RBFOX1: variants seen among roughly 807,000 people sequenced by gnomAD.
The protein encoded by RBFOX1 is RNA binding fox-1 homolog 1, also known as RNA binding protein fox-1 homolog 1.
Under a neutral mutation model 57.7 loss-of-function variants are expected in RBFOX1, and 8 were observed. That is an observed-to-expected ratio of 0.14 (90% CI 0.08 to 0.25). The LOEUF (loss-of-function observed/expected upper bound fraction) is 0.25. RBFOX1 is among the 10% of genes least tolerant of loss of function. The probability of loss-of-function intolerance (pLI) is 1.00; values close to 1 mark genes in which losing one functional copy is unlikely to be tolerated. For missense variants in RBFOX1, 611 were observed against 548.5 expected, an observed-to-expected ratio of 1.11 and a Z score of -1.14; for synonymous variants, 326 against 222.4, an observed-to-expected ratio of 1.47 and a Z score of -4.15.
chr16:6,939,704 G>C (rs115658080), intron 3 of RBFOX1, among the ~76,000 whole-genome samples: 3 of 151,950 alleles, frequency 2.0e-5, no homozygotes, highest in African/African-American at 7.2e-5. Context: ...TAGAGTTGAG[G>C]CTTCACTATG....
intron 2 of RBFOX1, among the ~76,000 whole-genome samples, chr16:6,510,894 A>G (rs2096242903): frequency 6.6e-6 from 1 of 151,756 alleles, no homozygotes; most frequent in African/African-American, 2.4e-5. Flanking sequence ...CCTCTTTAAT[A>G]CTTACTAGTG....
intron 4 of RBFOX1, among the ~76,000 whole-genome samples, chr16:7,170,304 G>C (rs1231001141): frequency 6.6e-6 from 1 of 152,130 alleles, no homozygotes; most frequent in Non-Finnish European, 1.5e-5. Flanking sequence ...ATGGTGTCTT[G>C]CTCTGTCTTT....
intron 1 of RBFOX1, among the ~76,000 whole-genome samples, chr16:6,141,367 C>T (rs2096714661): frequency 6.6e-6 from 1 of 152,126 alleles, no homozygotes; most frequent in African/African-American, 2.4e-5. Context: ...TGGGCATAAC[C>T]CTGACTGCTC....
intron 4 of RBFOX1, among the ~76,000 whole-genome samples, chr16:7,380,773 A>G (rs947670817): frequency 2.6e-5 from 4 of 152,238 alleles, no homozygotes; most frequent in African/African-American, 7.2e-5. Flanking sequence ...AGGGGAAAAT[A>G]AGAAATGTAA....
At chr16:5,663,830 G>A (rs886632835) in intron 3 of RBFOX1, among the ~76,000 whole-genome samples, 12 of 152,176 alleles carry the variant, frequency 7.9e-5, no homozygotes, top group African/African-American at 2.7e-4. Context: ...CATTCAAAAG[G>A]CAGCTGTGCA....
chr16:6,991,292 C>T (rs1239657348), intron 3 of RBFOX1, among the ~76,000 whole-genome samples: 1 of 151,968 alleles, frequency 6.6e-6, no homozygotes, highest in Non-Finnish European at 1.5e-5. Flanking sequence ...AGAGTGAGAC[C>T]TTGTCTCAAA....
At chr16:6,482,355 A>G (rs2095384169) in intron 2 of RBFOX1, among the ~76,000 whole-genome samples, 1 of 152,238 alleles carries the variant, frequency 6.6e-6, no homozygotes, top group Admixed American at 6.5e-5. Context: ...TAGTTTTTCT[A>G]CATCCAAGAG....
intron 4 of RBFOX1, among the ~76,000 whole-genome samples, chr16:5,897,481 G>C (rs1477017132): frequency 2.0e-5 from 3 of 152,104 alleles, no homozygotes; most frequent in African/African-American, 7.2e-5. Context: ...ATATGAGTAG[G>C]ATCAATGTTA....
chr16:6,177,484 T>C (rs902670141), intron 1 of RBFOX1, among the ~76,000 whole-genome samples: 1 of 152,120 alleles, frequency 6.6e-6, no homozygotes, highest in Admixed American at 6.6e-5. Flanking sequence ...GGCTTAATAA[T>C]TTTCATACTG....
intron 4 of RBFOX1, among the ~76,000 whole-genome samples, chr16:7,166,701 G>A (rs1420396806): frequency 1.3e-5 from 2 of 152,110 alleles, no homozygotes; most frequent in Admixed American, 6.5e-5. Flanking sequence ...GTCAGCCGAT[G>A]CACTAGGATG....
chr16:5,885,622 G>A (rs1342500439), intron 4 of RBFOX1, among the ~76,000 whole-genome samples: 1 of 152,110 alleles, frequency 6.6e-6, no homozygotes, highest in Non-Finnish European at 1.5e-5. Context: ...GATTGGAGTT[G>A]TCTATTCTAT....
intron 3 of RBFOX1, among the ~76,000 whole-genome samples, chr16:5,704,094 T>C (rs2051150969): frequency 1.3e-5 from 2 of 152,076 alleles, no homozygotes; most frequent in African/African-American, 4.8e-5. Flanking sequence ...CTTGAACTGC[T>C]TGTTGGGCCA....
chr16:5,575,032 T>C (rs1350561070), intron 2 of RBFOX1, among the ~76,000 whole-genome samples: 1 of 152,204 alleles, frequency 6.6e-6, no homozygotes, highest in Non-Finnish European at 1.5e-5. Context: ...TGAACAACTT[T>C]GTGATAATCA....
intron 3 of RBFOX1, among the ~76,000 whole-genome samples, chr16:7,009,546 C>G (rs972566789): frequency 1.3e-5 from 2 of 152,130 alleles, no homozygotes; most frequent in South Asian, 4.2e-4. Flanking sequence ...AGGGATGATG[C>G]GATCAATGAT....
In RBFOX1 at chr16:5,801,940, C is replaced by T. The variant is rs949448328; in HGVS notation, c.319-65363C>T. Among the ~76,000 whole-genome samples, 8 of 152,188 alleles carry T rather than the reference C, an allele frequency of 5.3e-5. 1 individual carries two copies. The South Asian group carries it at 1.7e-3, about 32-fold the overall frequency. On this transcript the variant is annotated intron_variant, in intron 3 of 19. Coordinates refer to the RBFOX1 transcript ENST00000641259. ...AAGGAAAGCGAATTCCCCTCTCCCC[C>T]GGAGGGTTGGACGTGTGTGCTTTTC...
intron 4 of RBFOX1, among the ~76,000 whole-genome samples, chr16:7,252,257 C>G (rs184730506): frequency 6.6e-6 from 1 of 152,152 alleles, no homozygotes; most frequent in Non-Finnish European, 1.5e-5. Context: ...TTCGTTCATT[C>G]AAAACTTTAA....
chr16:7,292,294 T>TCA (rs1198870558), intron 4 of RBFOX1, among the ~76,000 whole-genome samples: 22 of 129,490 alleles, frequency 1.7e-4, no homozygotes, highest in Non-Finnish European at 3.1e-4. Context: ...ATATCATATA[T>TCA]GATATATGAT....
At chr16:7,047,811 C>G (rs1391594428) in intron 3 of RBFOX1, among the ~76,000 whole-genome samples, 1 of 105,276 alleles carries the variant, frequency 9.5e-6, no homozygotes, top group Non-Finnish European at 2.0e-5. Flanking sequence ...AAGTTTACTT[C>G]TTTTTCTTCT....
At chr16:7,368,954 C>A (rs920040842) in intron 4 of RBFOX1, among the ~76,000 whole-genome samples, 3 of 151,896 alleles carry the variant, frequency 2.0e-5, no homozygotes, top group African/African-American at 7.3e-5. Flanking sequence ...GGAGGTGAAT[C>A]TTTCTTTTTT....
Sources: allele counts gnomAD v4.1 joint callset (sites outside exome capture counted in the v4.1 genomes callset), GRCh38; gene constraint gnomAD v4.1.1; transcripts MANE v1.5; gene names NCBI Gene and HGNC (gene_info 2026-07-23, HGNC 2026-07-21).